Variants in SCN7A observed in about 807,000 individuals in gnomAD.
SCN7A encodes the protein sodium voltage-gated channel alpha subunit 7.
SCN7A carries 138 observed loss-of-function variants against 155.2 expected under a neutral mutation model. That is an observed-to-expected ratio of 0.89 (90% confidence interval 0.77 to 1.02). The LOEUF (loss-of-function observed/expected upper bound fraction) is 1.02, where lower values mean the gene tolerates loss of function less well. Ranked by LOEUF, SCN7A falls within the 50% of genes least tolerant of loss-of-function variation. SCN7A has a pLI of 0.00. For missense variants in SCN7A, 2,058 were observed against 1,986.6 expected (o/e 1.04, Z -0.68); for synonymous variants, 693 against 649.0 (o/e 1.07, Z -1.03).
chr2:166,429,331 G>T, intron 16 of SCN7A, 57 bp from the exon 17 acceptor site: 1 of 1,044,910 alleles, frequency 9.6e-7, no homozygotes, highest in Non-Finnish European at 1.4e-6. Context: ...TACCCATGGT[G>T]GCCAAAGTTT....
intron 25 of SCN7A, among the ~76,000 whole-genome samples, chr2:166,407,722 G>T (rs1701105742): frequency 6.6e-6 from 1 of 151,540 alleles, no homozygotes; most frequent in Non-Finnish European, 1.5e-5. Flanking sequence ...TTTTTTGGGG[G>T]GAAGTTCTTT....
intron 2 of SCN7A, 58 bp from the exon 3 acceptor site, chr2:166,477,768 A>G: frequency 9.1e-7 from 1 of 1,099,246 alleles, no homozygotes; most frequent in Non-Finnish European, 1.3e-6. Context: ...AGTACAAAAG[A>G]TTAGGATACG....
chr2:166,435,788 C>T (rs1701826911), intron 15 of SCN7A, among the ~76,000 whole-genome samples: 2 of 151,802 alleles, frequency 1.3e-5, no homozygotes, highest in Admixed American at 1.3e-4. Context: ...TAAGTTTTCT[C>T]TTTCTTTTAT....
At chr2:166,445,329 A>G (rs1702039650) in intron 12 of SCN7A, among the ~76,000 whole-genome samples, 1 of 150,960 alleles carries the variant, frequency 6.6e-6, no homozygotes, top group Non-Finnish European at 1.5e-5. Flanking sequence ...AAAGAAGGAA[A>G]AAAGGAAGGA....
At chr2:166,458,377 G>A (rs1391114096) in intron 10 of SCN7A, among the ~76,000 whole-genome samples, 2 of 150,902 alleles carry the variant, frequency 1.3e-5, no homozygotes, top group African/African-American at 2.4e-5. Context: ...AGTAAATAGA[G>A]TTGGTTCCAA....
rs117196639 is a variant in SCN7A at position 166,459,739 on chromosome 2, A to G, written c.1083+2650T>C. ...CTTGGAACCAATCCAATGCCCATCA[A>G]CGTTAAACTGGATAAAGAAAATGTG... is the stretch of plus-strand genomic sequence containing the variant. On this transcript the variant is annotated intron_variant, in intron 10 of 25. Transcript: ENST00000643258. 1.3e-3 allele frequency among the ~76,000 whole-genome samples: 196 copies of G among 152,324 alleles called. 3 individuals are homozygous for G. In the East Asian group the frequency reaches 0.036, roughly 28 times the overall value.
At chr2:166,449,759 C>G (rs937853515) in intron 11 of SCN7A, among the ~76,000 whole-genome samples, 1 of 151,978 alleles carries the variant, frequency 6.6e-6, no homozygotes, top group African/African-American at 2.4e-5. Flanking sequence ...CATCTCCCAC[C>G]AGTAAGAAGG....
At chr2:166,475,102 A>G (rs371982383) in intron 3 of SCN7A, among the ~76,000 whole-genome samples, 137 of 103,740 alleles carry the variant, frequency 1.3e-3, no homozygotes, top group African/African-American at 4.3e-3. Flanking sequence ...ACACATATAT[A>G]TGTATATATA....
At chr2:166,411,463 G>A (rs749960471) in intron 23 of SCN7A, among the ~76,000 whole-genome samples, 2 of 149,358 alleles carry the variant, frequency 1.3e-5, no homozygotes, top group Non-Finnish European at 3.0e-5. Context: ...GCTGGCCTTC[G>A]AATACAAAAA....
chr2:166,413,064 T>C lies in SCN7A; in HGVS notation c.3468+4A>G. On this transcript the variant is annotated splice_donor_region_variant and intron_variant, in intron 22 of 25. Transcript: ENST00000643258. ...CAATGGCTTTAAAATGATATTATAC[T>C]TACAGCAACAGAATCAATTGCTGAA... 1 of 1,528,148 alleles carries C rather than the reference T, an allele frequency of 6.5e-7. No individual in the cohort carries two copies. Among genetic ancestry groups the C allele is most frequent in the Non-Finnish European group, 8.8e-7 (1 of 1,134,962 alleles). The allele number at this position is 1,528,148 out of a possible 1,614,324, so 94.7% of individuals were successfully genotyped here.
chr2:166,446,857 A>T (rs1702074547), intron 12 of SCN7A, among the ~76,000 whole-genome samples: 1 of 152,098 alleles, frequency 6.6e-6, no homozygotes, highest in African/African-American at 2.4e-5. Context: ...TGGGCATCAC[A>T]CGCAGGGACC....
At position 166,405,829 on chromosome 2, in the gene SCN7A, T is replaced by C. The variant is rs1292723687; in HGVS notation, c.4800A>G (p.Glu1600=). 10 of 1,613,144 alleles carry C rather than the reference T, an allele frequency of 6.2e-6. No homozygotes were observed. In the Middle Eastern group the frequency reaches 6.6e-4, roughly 107 times the overall value. Residue 1600 remains glutamate, a synonymous_variant, in exon 26 of 26, where the codon GAA becomes GAG. Coordinates refer to ENST00000643258, the MANE Select transcript of SCN7A (RefSeq NM_002976.4). ...AAGGGTTGGCTAACAAAAACCCTGA[T>C]TCTATTTCTGAAACAACTTTCTCCA... ...VRMEKVVSEI[E]SGFLLANPFK... is the part of the protein sequence containing the mutation.
chr2:166,423,215 A>G (rs1433636809), intron 19 of SCN7A, 44 bp downstream of exon 19: 6 of 1,572,624 alleles, frequency 3.8e-6, no homozygotes, highest in African/African-American at 1.4e-5. Flanking sequence ...AGTGAGGAAG[A>G]AAAAGTAAAT....
chr2:166,465,246 G>C (rs753323102), intron 9 of SCN7A, among the ~76,000 whole-genome samples: 1 of 152,116 alleles, frequency 6.6e-6, no homozygotes, highest in Non-Finnish European at 1.5e-5. Context: ...CAGCTTCCCC[G>C]ACTGTGAGTA....
rs891423537 is a variant in SCN7A at position 166,405,474 on chromosome 2, G to A, written c.*106C>T. Reference sequence around the variant, plus strand: ...TGTGAATACAAGCTTAATTACCATCGGTTGTAAAGAACTGATTATTATCTC... The same window carrying A: ...TGTGAATACAAGCTTAATTACCATCAGTTGTAAAGAACTGATTATTATCTC... On this transcript the variant is annotated 3_prime_UTR_variant, in exon 26 of 26. Coordinates refer to ENST00000643258, the MANE Select transcript of SCN7A (RefSeq NM_002976.4). 2.8e-5 allele frequency: 23 copies of A among 812,500 alleles called. No individual in the cohort carries two copies. The highest frequency in any genetic ancestry group is 3.8e-5 in the South Asian group (2 of 52,038). 50.3% of individuals were successfully genotyped at this position (812,500 alleles called of 1,614,324 possible). A position where few individuals can be genotyped will look rare whatever the true frequency, so the allele number is the denominator to read the frequency against.
chr2:166,417,122 A>C, intron 20 of SCN7A, 137 bp from the exon 21 acceptor site: 1 of 657,322 alleles, frequency 1.5e-6, no homozygotes, highest in Non-Finnish European at 2.6e-6. Flanking sequence ...AAGATTTAAC[A>C]GCCCACATGC....
At chr2:166,441,308 C>A (rs928705155) in intron 15 of SCN7A, 88 bp downstream of exon 15, 2 of 901,486 alleles carry the variant, frequency 2.2e-6, no homozygotes, top group Non-Finnish European at 3.3e-6. Context: ...CAGTTACAGA[C>A]CATTAGATCC....
At chr2:166,408,362 G>A (rs979441975) in intron 25 of SCN7A, among the ~76,000 whole-genome samples, 2 of 151,754 alleles carry the variant, frequency 1.3e-5, no homozygotes, top group Admixed American at 6.6e-5. Flanking sequence ...TTTAAAAGCC[G>A]GTTTCTGTCT....
At chr2:166,449,360 G>A (rs7572423) in intron 11 of SCN7A, among the ~76,000 whole-genome samples, 42,604 of 151,996 alleles carry the variant, frequency 0.28, 6,511 homozygotes, top group Non-Finnish European at 0.34. Flanking sequence ...GGCTGCCACT[G>A]TCCCAGCACT....
Sources: allele counts gnomAD v4.1 joint callset (sites outside exome capture counted in the v4.1 genomes callset), GRCh38; gene constraint gnomAD v4.1.1; transcripts MANE v1.5; gene names NCBI Gene and HGNC (gene_info 2026-07-23, HGNC 2026-07-21).